GTF3C3: variants seen among roughly 807,000 people sequenced by gnomAD.
GTF3C3 encodes the protein general transcription factor 3C polypeptide 3.
Under a neutral mutation model 105.2 loss-of-function variants are expected in GTF3C3, and 75 were observed. That is an observed-to-expected ratio of 0.71 (90% CI 0.59 to 0.86). The LOEUF (loss-of-function observed/expected upper bound fraction) is 0.86. Among genes scored for constraint, GTF3C3 ranks in the 40% least tolerant of loss-of-function variants. GTF3C3 has a pLI of 0.00. For synonymous variants in GTF3C3, 335 were observed against 370.4 expected, an observed-to-expected ratio of 0.90 and a Z score of 1.10; for missense variants, 856 against 1,076.5, an observed-to-expected ratio of 0.80 and a Z score of 2.87.
chr2:196,770,746 A>G (rs964998647), intron 15 of GTF3C3, among the ~76,000 whole-genome samples: 5 of 152,338 alleles, frequency 3.3e-5, no homozygotes, highest in Admixed American at 6.5e-5. Context: ...TTTGGAAGGA[A>G]TGGCACCACA....
At chr2:196,798,653 G>A (rs939325284) in intron 1 of GTF3C3, among the ~76,000 whole-genome samples, 3 of 152,088 alleles carry the variant, frequency 2.0e-5, no homozygotes, top group African/African-American at 4.8e-5. Context: ...CACGAGGTCA[G>A]GAGTTTGAGA....
At chr2:196,773,963 T>C (rs1699221162) in intron 13 of GTF3C3, among the ~76,000 whole-genome samples, 1 of 152,220 alleles carries the variant, frequency 6.6e-6, no homozygotes, top group East Asian at 1.9e-4. Context: ...GTACCGGGGT[T>C]GGGGACCCCA....
chr2:196,783,577 C>T (rs1699404192), intron 8 of GTF3C3, among the ~76,000 whole-genome samples: 1 of 152,136 alleles, frequency 6.6e-6, no homozygotes, highest in African/African-American at 2.4e-5. Flanking sequence ...TACTCATTCA[C>T]ACCACCCTGA....
At chr2:196,788,339 G>A (rs1336921769) in intron 6 of GTF3C3, among the ~76,000 whole-genome samples, 4 of 152,228 alleles carry the variant, frequency 2.6e-5, no homozygotes, top group African/African-American at 9.6e-5. Flanking sequence ...GGTATCTCTA[G>A]AATGGAAAGC....
intron 3 of GTF3C3, chr2:196,791,709 G>A (rs1332010226): frequency 9.0e-6 from 3 of 334,756 alleles, no homozygotes; most frequent in South Asian, 7.7e-5. Flanking sequence ...GCTGAAGCAG[G>A]CGGATCACCT....
At chr2:196,771,719 T>C (rs1354305792) in intron 15 of GTF3C3, 29 bp downstream of exon 15, 1 of 1,517,166 alleles carries the variant, frequency 6.6e-7, no homozygotes, top group East Asian at 2.2e-5. Context: ...CTATTTATGC[T>C]TGACAAAGTC....
At chr2:196,769,780 A>G (rs1699137889) in intron 16 of GTF3C3, 135 bp downstream of exon 16, 1 of 638,104 alleles carries the variant, frequency 1.6e-6, no homozygotes, top group African/African-American at 1.9e-5. Context: ...ACACTGGGGT[A>G]AGTGTTGGGG....
intron 10 of GTF3C3, 146 bp downstream of exon 10, chr2:196,778,750 T>C (rs1242871249): frequency 1.5e-5 from 10 of 684,964 alleles, no homozygotes; most frequent in Non-Finnish European, 2.3e-5. Flanking sequence ...CTTAGTAGCC[T>C]AGCAAGACAA....
intron 16 of GTF3C3, among the ~76,000 whole-genome samples, chr2:196,768,521 A>T (rs1049859565): frequency 7.2e-5 from 11 of 152,246 alleles, no homozygotes; most frequent in African/African-American, 1.2e-4. Context: ...CATAAAAAAA[A>T]TTTTTTTAGG....
intron 16 of GTF3C3, among the ~76,000 whole-genome samples, chr2:196,767,267 C>A (rs1007145547): frequency 6.6e-6 from 1 of 152,158 alleles, no homozygotes; most frequent in African/African-American, 2.4e-5. Context: ...TATGGAGAAA[C>A]TATTTCAGAG....
chr2:196,772,780 T>C (rs1045670193), intron 14 of GTF3C3, 136 bp downstream of exon 14: 34 of 570,206 alleles, frequency 6.0e-5, no homozygotes, highest in Admixed American at 6.3e-5. Context: ...CATCTTCTTA[T>C]ATACTGCCTC....
intron 17 of GTF3C3, among the ~76,000 whole-genome samples, chr2:196,765,670 G>C (rs1359173438): frequency 6.6e-6 from 1 of 150,574 alleles, no homozygotes; most frequent in Non-Finnish European, 1.5e-5. Context: ...TATAAAAACA[G>C]CATCACTATA....
At chr2:196,796,999 CT>C (rs1324650280) in intron 2 of GTF3C3, among the ~76,000 whole-genome samples, 1 of 152,204 alleles carries the variant, frequency 6.6e-6, no homozygotes, top group African/African-American at 2.4e-5. Flanking sequence ...CATGCTATGA[CT>C]GTCTGTTCTC....
intron 8 of GTF3C3, chr2:196,780,955 CT>C (rs1456745911): frequency 2.9e-5 from 6 of 207,188 alleles, no homozygotes; most frequent in Non-Finnish European, 4.8e-5. Context: ...AACCCTCTCT[CT>C]TTTTTTTCTT....
intron 6 of GTF3C3, 39 bp downstream of exon 6, chr2:196,789,165 T>C: frequency 6.6e-7 from 1 of 1,507,816 alleles, no homozygotes; most frequent in Non-Finnish European, 9.0e-7. Context: ...CAAAACAAGA[T>C]TAACAGGAGC....
At chr2:196,794,602 A>G (rs1699607655) in intron 2 of GTF3C3, among the ~76,000 whole-genome samples, 1 of 151,324 alleles carries the variant, frequency 6.6e-6, no homozygotes, top group Admixed American at 6.6e-5. Flanking sequence ...CGCCCAGCTA[A>G]TTTTGTATTT....
chr2:196,797,330 G>A (rs962626288), intron 2 of GTF3C3, among the ~76,000 whole-genome samples: 3 of 152,212 alleles, frequency 2.0e-5, no homozygotes, highest in Admixed American at 6.5e-5. Context: ...CTAGAATGAG[G>A]TAGCCTACCA....
chr2:196,775,956 T>C, intron 12 of GTF3C3, 54 bp downstream of exon 12: 1 of 754,592 alleles, frequency 1.3e-6, no homozygotes, highest in Non-Finnish European at 2.2e-6. Flanking sequence ...TTAAATGAAA[T>C]ACTAAACATT....
In GTF3C3 at chr2:196,770,046, A is replaced by T; in HGVS notation, c.2261-7T>A. On this transcript the variant is annotated splice_region_variant and splice_polypyrimidine_tract_variant and intron_variant, in intron 15 of 17. Coordinates refer to ENST00000263956, the MANE Select transcript of GTF3C3 (RefSeq NM_012086.5). ...AAGGCTTGCACATACTGTCCTGGAA[A>T]ATAAGCAGTGGTGTCAGACGGTGTG... The T allele has an allele frequency of 6.6e-7, 1 of 1,513,782 alleles. No homozygotes were observed. Among genetic ancestry groups the T allele is most frequent in the Non-Finnish European group, 8.8e-7 (1 of 1,137,420 alleles). 93.8% of individuals were successfully genotyped at this position (1,513,782 alleles called of 1,614,324 possible).
Sources: allele counts gnomAD v4.1 joint callset (sites outside exome capture counted in the v4.1 genomes callset), GRCh38; gene constraint gnomAD v4.1.1; transcripts MANE v1.5; gene names NCBI Gene and HGNC (gene_info 2026-07-23, HGNC 2026-07-21).